Variants in MTF1 observed in about 807,000 individuals in gnomAD.
The protein encoded by MTF1 is metal regulatory transcription factor 1.
MTF1 carries 22 observed loss-of-function variants against 70.4 expected under a neutral mutation model. The ratio of observed to expected loss-of-function variants is 0.31; its 90% CI spans 0.22 to 0.45. The LOEUF is 0.45. MTF1 is among the 20% of genes least tolerant of loss of function. MTF1 has a pLI of 1.00. For missense variants in MTF1, 649 were observed against 922.0 expected, an observed-to-expected ratio of 0.70 and a Z score of 3.83; for synonymous variants, 333 against 352.8, an observed-to-expected ratio of 0.94 and a Z score of 0.63.
At chr1:37,839,249 G>C (rs1298269162) in intron 3 of MTF1, among the ~76,000 whole-genome samples, 1 of 152,180 alleles carries the variant, frequency 6.6e-6, no homozygotes, top group Non-Finnish European at 1.5e-5. Flanking sequence ...ACAGTGGTAT[G>C]AGTGTGACTC....
At chr1:37,851,949 GC>G (rs1641424042) in intron 2 of MTF1, among the ~76,000 whole-genome samples, 1 of 151,256 alleles carries the variant, frequency 6.6e-6, no homozygotes, top group Non-Finnish European at 1.5e-5. Flanking sequence ...CCTGGCTTCA[GC>G]CCCAGTGCTC....
chr1:37,833,214 C>T (rs1641115555), intron 6 of MTF1, among the ~76,000 whole-genome samples: 1 of 151,996 alleles, frequency 6.6e-6, no homozygotes. Flanking sequence ...CTTTTTGTAA[C>T]AAATTGCCAC....
intron 2 of MTF1, among the ~76,000 whole-genome samples, chr1:37,847,103 G>A (rs1006090294): frequency 2.6e-5 from 4 of 152,106 alleles, no homozygotes; most frequent in African/African-American, 9.7e-5. Context: ...ATTTCGACAG[G>A]CCTCCCATCC....
Position 37,838,744 on chromosome 1 carries a change from A to G in MTF1, c.660T>C (p.His220=). The change falls in exon 4 of 11, where the codon CAT becomes CAC. Residue 220 remains histidine, a synonymous_variant. Transcript: ENST00000373036. ...AFNTLYRLKA[H]QRLHTGKTFN... The stretch of plus-strand genomic sequence containing the variant: ...ACGTTTTCCCTGTGTGAAGCCTCTG[A>G]TGTGCTTTCAGCCTGCAAAATATTC... 2.6e-6 allele frequency: 4 copies of G among 1,524,000 alleles called. No homozygotes were observed. Among genetic ancestry groups the G allele is most frequent in the Non-Finnish European group, 3.6e-6 (4 of 1,124,408 alleles). 94.4% of individuals were successfully genotyped at this position (1,524,000 alleles called of 1,614,324 possible).
At position 37,809,767 on chromosome 1, in the gene MTF1, G is replaced by A. The variant is rs2148394048; in HGVS notation, c.*5369C>T. ...TCATATTTATTCTTTTTTGGGTTTGGAGGTTTCTTCCTTTGGAAGTACTGA... is the reference window on the plus strand; with the variant it reads ...TCATATTTATTCTTTTTTGGGTTTGAAGGTTTCTTCCTTTGGAAGTACTGA... On this transcript the variant is annotated 3_prime_UTR_variant, in exon 11 of 11. Transcript: ENST00000373036. 1 of 152,676 alleles carries A rather than the reference G, an allele frequency of 6.5e-6. No individual in the cohort carries two copies. Among genetic ancestry groups the A allele is most frequent in the Non-Finnish European group, 1.5e-5 (1 of 68,058 alleles). The allele number at this position is 152,676 out of a possible 1,614,324, so 9.5% of individuals were successfully genotyped here.
chr1:37,818,634 G>C (rs953894002), intron 9 of MTF1, among the ~76,000 whole-genome samples: 3 of 151,212 alleles, frequency 2.0e-5, no homozygotes, highest in African/African-American at 7.3e-5. Flanking sequence ...AACCCGGGTG[G>C]TGGAGCTTGC....
intron 2 of MTF1, among the ~76,000 whole-genome samples, chr1:37,854,665 T>C (rs998354978): frequency 4.6e-5 from 7 of 152,206 alleles, no homozygotes; most frequent in African/African-American, 1.7e-4. Flanking sequence ...GTAGACTATA[T>C]AGTAATTGTA....
At chr1:37,832,925 G>C (rs552980959) in intron 6 of MTF1, among the ~76,000 whole-genome samples, 1 of 151,892 alleles carries the variant, frequency 6.6e-6, no homozygotes, top group South Asian at 2.1e-4. Flanking sequence ...AGAATCACTT[G>C]AACCTGGGCG....
chr1:37,827,995 C>T (rs1467577480), intron 7 of MTF1, among the ~76,000 whole-genome samples: 8 of 151,972 alleles, frequency 5.3e-5, no homozygotes, highest in African/African-American at 1.9e-4. Flanking sequence ...GGAGAAAGAA[C>T]AAATATTGGT....
intron 9 of MTF1, among the ~76,000 whole-genome samples, chr1:37,818,557 A>G (rs1264592150): frequency 6.6e-5 from 10 of 150,724 alleles, no homozygotes; most frequent in Admixed American, 6.6e-4. Context: ...ACAAAAAATT[A>G]GCCGGGCATG....
intron 2 of MTF1, among the ~76,000 whole-genome samples, chr1:37,855,640 T>C (rs1187282301): frequency 6.6e-6 from 1 of 152,188 alleles, no homozygotes; most frequent in Non-Finnish European, 1.5e-5. Flanking sequence ...TAGTGACTTA[T>C]TTTTTTCTAA....
In MTF1 at chr1:37,813,543, T is replaced by C. The variant is rs1640767623; in HGVS notation, c.*1593A>G. 2 of 152,250 alleles carry C rather than the reference T, an allele frequency of 1.3e-5. No individual in the cohort carries two copies. Among genetic ancestry groups the C allele is most frequent in the African/African-American group, 4.8e-5 (2 of 41,458 alleles). The allele number at this position is 152,250 out of a possible 1,614,324, so 9.4% of individuals were successfully genotyped here. On this transcript the variant is annotated 3_prime_UTR_variant, in exon 11 of 11. Transcript: ENST00000373036. ...AGTGACCAATGCAGATCCCTTTACA[T>C]TAGGGAATGAAAATGCAAGGCAAAA... is the stretch of plus-strand genomic sequence containing the variant.
chr1:37,844,350 T>C (rs1338334788), intron 2 of MTF1, among the ~76,000 whole-genome samples: 2 of 152,210 alleles, frequency 1.3e-5, no homozygotes, highest in East Asian at 3.8e-4. Flanking sequence ...TTCTGAGTCC[T>C]TCTCTTCCTT....
chr1:37,834,780 G>C, intron 6 of MTF1: 1 of 543,140 alleles, frequency 1.8e-6, no homozygotes, highest in South Asian at 1.6e-5. Context: ...AAAGAGTCAA[G>C]AATGACTATA....
In MTF1 at chr1:37,815,689, C is replaced by T. The variant is rs1273304562; in HGVS notation, c.1832-123G>A. 5 of 711,042 alleles carry T rather than the reference C, an allele frequency of 7.0e-6. No homozygotes were observed. The highest frequency in any genetic ancestry group is 2.9e-5 in the Admixed American group (1 of 34,804). The allele number at this position is 711,042 out of a possible 1,614,324, so 44.0% of individuals were successfully genotyped here. A position where few individuals can be genotyped will look rare whatever the true frequency, so the allele number is the denominator to read the frequency against. The stretch of plus-strand genomic sequence containing the variant: ...GGAACCATGGGAAGGATGGTTGCCA[C>T]ACTTCGGGCTTCGTTCTGCTTTAAA... On this transcript the variant is annotated intron_variant, in intron 10 of 10. Transcript: ENST00000373036. The surrounding 1 kb of genome is among the most constrained non-coding windows in gnomAD (Gnocchi z 4.5).
At chr1:37,843,289 C>T (rs529021191) in intron 2 of MTF1, among the ~76,000 whole-genome samples, 97 of 152,092 alleles carry the variant, frequency 6.4e-4, no homozygotes, top group African/African-American at 2.2e-3. Context: ...GGTTAAGCCA[C>T]CACGCCTGGC....
chr1:37,835,237 G>T, intron 5 of MTF1, 22 bp from the exon 6 acceptor site: 1 of 1,606,534 alleles, frequency 6.2e-7, no homozygotes, highest in Non-Finnish European at 8.5e-7. Flanking sequence ...ACAAAGTAGT[G>T]TTAATTTACC....
In MTF1 at chr1:37,818,475, C is replaced by T. The variant is rs55699901; in HGVS notation, c.1768-993G>A. On this transcript the variant is annotated intron_variant, in intron 9 of 10. Coordinates refer to ENST00000373036, the MANE Select transcript of MTF1 (RefSeq NM_005955.3). ...ATCCCAGCACTTTGGGAAGCCGAGG[C>T]GGGTGAATCACAAGGTCAGGAGATC... 2.0e-5 allele frequency among the ~76,000 whole-genome samples: 3 copies of T among 151,816 alleles called. No homozygotes were observed. The South Asian group carries it at 6.2e-4, about 32-fold the overall frequency.
intron 7 of MTF1, among the ~76,000 whole-genome samples, chr1:37,829,983 A>T (rs1641062553): frequency 6.6e-6 from 1 of 152,008 alleles, no homozygotes; most frequent in Non-Finnish European, 1.5e-5. Context: ...CCTTTTTCAT[A>T]AGTACTTGGT....
Sources: gnomAD v4.1 joint callset for allele counts (sites outside exome capture counted in the v4.1 genomes callset) on GRCh38, gnomAD v4.1.1 for gene constraint, Gnocchi (gnomAD v3.1) non-coding constraint, MANE v1.5 for transcripts, NCBI Gene and HGNC (gene_info 2026-07-23, HGNC 2026-07-21) for gene names.